Variants in PDS5A observed in about 807,000 individuals in gnomAD.
PDS5A encodes the protein sister chromatid cohesion protein PDS5 homolog A.
A neutral mutation model predicts 167.1 loss-of-function variants in PDS5A; 42 were observed. That is an observed-to-expected ratio of 0.25 (90% CI 0.20 to 0.33). The LOEUF is 0.33. Ranked by LOEUF, PDS5A falls within the 10% of genes least tolerant of loss-of-function variation. The pLI, the probability that PDS5A is intolerant of heterozygous loss-of-function variation, is 1.00. For missense variants in PDS5A, 1,033 were observed against 1,605.9 expected (o/e 0.64, Z 6.10); for synonymous variants, 553 against 554.6 (o/e 1.00, Z 0.04).
intron 2 of PDS5A, chr4:39,973,459 G>A: frequency 7.4e-7 from 1 of 1,353,784 alleles, no homozygotes; most frequent in African/African-American, 1.4e-5. Context: ...ATACCAGGGT[G>A]TTAATATTTA....
intron 26 of PDS5A, among the ~76,000 whole-genome samples, chr4:39,861,522 A>T (rs1375244633): frequency 6.6e-6 from 1 of 152,208 alleles, no homozygotes; most frequent in Non-Finnish European, 1.5e-5. Context: ...ACAAGGAATA[A>T]GTTCTGACAT....
At chr4:39,840,742 T>C (rs1716925518) in intron 31 of PDS5A, among the ~76,000 whole-genome samples, 1 of 152,140 alleles carries the variant, frequency 6.6e-6, no homozygotes, top group South Asian at 2.1e-4. Context: ...TTGCACTTTG[T>C]TAGCAGAGAC....
chr4:39,969,034 C>T (rs1730254229), intron 2 of PDS5A, among the ~76,000 whole-genome samples: 1 of 152,224 alleles, frequency 6.6e-6, no homozygotes, highest in Non-Finnish European at 1.5e-5. Flanking sequence ...CTAGGCATCC[C>T]AAAGTGCTGG....
At chr4:39,878,201 G>A (rs1329810106) in intron 18 of PDS5A, among the ~76,000 whole-genome samples, 2 of 152,148 alleles carry the variant, frequency 1.3e-5, no homozygotes, top group African/African-American at 4.8e-5. Flanking sequence ...ATTAAGTGTA[G>A]ACACTGTCTC....
chr4:39,862,606 T>G (rs1027420914), intron 25 of PDS5A, among the ~76,000 whole-genome samples: 3 of 152,194 alleles, frequency 2.0e-5, no homozygotes, highest in African/African-American at 7.2e-5. Context: ...GAAAAAATTA[T>G]TTAGTCTGAC....
chr4:39,849,445 A>AAT (rs1717923238), intron 27 of PDS5A, 75 bp downstream of exon 27: 1 of 1,071,638 alleles, frequency 9.3e-7, no homozygotes, highest in East Asian at 2.4e-5. Flanking sequence ...GGCCAAAAAA[A>AAT]AAAAAAAAAA....
chr4:39,913,178 CG>C (rs1392149393), intron 9 of PDS5A, among the ~76,000 whole-genome samples: 11 of 151,870 alleles, frequency 7.2e-5, no homozygotes, highest in African/African-American at 2.7e-4. Context: ...CTCTGCCTCC[CG>C]GGTTCAAGGA....
rs1724460296 is a variant in PDS5A at position 39,917,043 on chromosome 4, CT to C, written c.876+4del. The stretch of plus-strand genomic sequence containing the variant: ...AAAAAAAAAAAGAAAACTGGTCAAT[CT>C]TACCTTTAGTTTGAATTCAAGCTGT... On this transcript the variant is annotated splice_donor_region_variant and intron_variant, in intron 8 of 32. Coordinates refer to ENST00000303538, the MANE Select transcript of PDS5A (RefSeq NM_001100399.2). The C allele has an allele frequency of 1.4e-6, 2 of 1,443,016 alleles. No individual in the cohort carries two copies. The highest frequency in any genetic ancestry group is 1.8e-6 in the Non-Finnish European group (2 of 1,095,154). 89.4% of individuals were successfully genotyped at this position (1,443,016 alleles called of 1,614,324 possible).
chr4:39,864,774 T>G (rs1719285551), intron 23 of PDS5A, among the ~76,000 whole-genome samples: 2 of 152,192 alleles, frequency 1.3e-5, no homozygotes, highest in Non-Finnish European at 2.9e-5. Context: ...GAAAAACACT[T>G]TATAGGCTTT....
intron 9 of PDS5A, among the ~76,000 whole-genome samples, chr4:39,912,528 C>A (rs1285024910): frequency 6.6e-6 from 1 of 152,190 alleles, no homozygotes; most frequent in Non-Finnish European, 1.5e-5. Flanking sequence ...GGGCAAGTAA[C>A]TGCTAAGATA....
At chr4:39,893,453 G>T (rs1027741262) in intron 16 of PDS5A, among the ~76,000 whole-genome samples, 3 of 152,094 alleles carry the variant, frequency 2.0e-5, no homozygotes, top group Admixed American at 1.3e-4. Context: ...ACTAACTCTC[G>T]TATCAAGTAA....
intron 16 of PDS5A, among the ~76,000 whole-genome samples, chr4:39,892,070 G>A (rs1722021468): frequency 6.6e-6 from 1 of 152,024 alleles, no homozygotes; most frequent in South Asian, 2.1e-4. Context: ...ACCTGAGATT[G>A]CACAGCTGCA....
intron 31 of PDS5A, among the ~76,000 whole-genome samples, chr4:39,838,501 C>T (rs1229907404): frequency 2.0e-5 from 3 of 152,134 alleles, no homozygotes; most frequent in African/African-American, 7.2e-5. Flanking sequence ...GCGGGAGGAT[C>T]GCTTGAGCCC....
chr4:39,868,010 T>C (rs917952457), intron 22 of PDS5A, among the ~76,000 whole-genome samples: 2 of 152,200 alleles, frequency 1.3e-5, no homozygotes, highest in African/African-American at 2.4e-5. Flanking sequence ...GTATTATTTA[T>C]TATATTTATT....
chr4:39,852,028 G>A (rs1409081630), intron 26 of PDS5A, among the ~76,000 whole-genome samples: 1 of 152,140 alleles, frequency 6.6e-6, no homozygotes, highest in Non-Finnish European at 1.5e-5. Context: ...ATACTTGAAT[G>A]TACATCAACA....
At chr4:39,867,160 C>T (rs964043342) in intron 22 of PDS5A, 163 bp from the exon 23 acceptor site, 2 of 560,092 alleles carry the variant, frequency 3.6e-6, no homozygotes, top group Non-Finnish European at 6.1e-6. Flanking sequence ...AATATTTACT[C>T]TGTGCTTAAC....
Position 39,866,949 on chromosome 4 carries a change from T to G in PDS5A, c.2554A>C (p.Asn852His). The change falls in exon 23 of 33, where the codon AAC becomes CAC. Residue 852 changes from asparagine to histidine, a missense_variant. This residue lies in a region of PDS5A where 367 missense variants were observed against 686.7 expected (regional missense o/e 0.53). Coordinates refer to ENST00000303538, the MANE Select transcript of PDS5A (RefSeq NM_001100399.2). ...GTTGAATTGGCAGATTTAGACTGGTTGTTTTTCATACCCAACAGCCACCTT... is the reference window on the plus strand; with the variant it reads ...GTTGAATTGGCAGATTTAGACTGGTGGTTTTTCATACCCAACAGCCACCTT... ...LVRWLLGMKN[N>H]QSKSANSTLR... 1 of 1,612,822 alleles carries G rather than the reference T, an allele frequency of 6.2e-7. No individual in the cohort carries two copies. Among genetic ancestry groups the G allele is most frequent in the Non-Finnish European group, 8.5e-7 (1 of 1,179,192 alleles).
chr4:39,974,411 A>C (rs1043818781), intron 2 of PDS5A: 12 of 341,818 alleles, frequency 3.5e-5, no homozygotes, highest in African/African-American at 2.6e-4. Context: ...AAAACAATAA[A>C]TATTAACGAT....
intron 18 of PDS5A, among the ~76,000 whole-genome samples, chr4:39,877,797 A>C (rs760968851): frequency 2.0e-5 from 3 of 151,770 alleles, no homozygotes; most frequent in Non-Finnish European, 4.4e-5. Flanking sequence ...TGTAGAGATG[A>C]GGTCTAGCTA....
Sources: allele counts gnomAD v4.1 joint callset (sites outside exome capture counted in the v4.1 genomes callset), GRCh38; gene constraint gnomAD v4.1.1; regional missense constraint gnomAD v4.1.1; transcripts MANE v1.5; gene names NCBI Gene and HGNC (gene_info 2026-07-23, HGNC 2026-07-21).